The following ARSL variants were observed in gnomAD, a reference collection of about 807,000 sequenced individuals.
ARSL encodes arylsulfatase E (chondrodysplasia punctata 1).
ARSL carries 4 observed loss-of-function variants against 31.1 expected under a neutral mutation model. The ratio of observed to expected loss-of-function variants is 0.13; its 90% CI spans 0.06 to 0.29. The LOEUF (loss-of-function observed/expected upper bound fraction) is 0.29, where lower values mean the gene tolerates loss of function less well. ARSL is among the 10% of genes least tolerant of loss of function. ARSL has a pLI of 1.00. For synonymous variants in ARSL, 198 were observed against 209.9 expected (o/e 0.94, Z 0.49); for missense variants, 312 against 497.8 (o/e 0.63, Z 3.55).
At chrX:2,961,938 T>G (rs1194364921) in intron 1 of ARSL, among the ~76,000 whole-genome samples, 2 of 107,053 alleles carry the variant, frequency 1.9e-5, no homozygotes, top group Non-Finnish European at 3.9e-5. Flanking sequence ...TGGAGTGCAA[T>G]GGCGCGATCT....
intron 6 of ARSL, among the ~76,000 whole-genome samples, chrX:2,947,094 G>T (rs2089395610): frequency 9.0e-6 from 1 of 110,594 alleles, no homozygotes; most frequent in Non-Finnish European, 1.9e-5. Context: ...TGGGGTGGGA[G>T]GATTGCTTGA....
At chrX:2,947,860 C>T (rs761831000) in intron 6 of ARSL, among the ~76,000 whole-genome samples, 97 of 113,003 alleles carry the variant, frequency 8.6e-4, no homozygotes, top group African/African-American at 3.1e-3. Context: ...CAGTGGCTCA[C>T]GCCTGTAATC....
intron 4 of ARSL, among the ~76,000 whole-genome samples, chrX:2,954,111 A>G (rs1394074352): frequency 1.8e-5 from 2 of 111,214 alleles, no homozygotes; most frequent in Non-Finnish European, 3.8e-5. Context: ...GGGGAGCTTC[A>G]AAATATTCTG....
chrX:2,946,322 C>CTTTTTTTTTTTTTT (rs747661858), intron 6 of ARSL, among the ~76,000 whole-genome samples, 188 bp from the exon 7 acceptor site: 1 of 69,126 alleles, frequency 1.4e-5, no homozygotes, highest in Admixed American at 1.9e-4. Context: ...AACAATCTTC[C>CTTTTTTTTTTTTTT]TTTTTTTTTT....
intron 6 of ARSL, among the ~76,000 whole-genome samples, chrX:2,948,680 G>C (rs1427074571): frequency 9.0e-6 from 1 of 111,039 alleles, no homozygotes; most frequent in Non-Finnish European, 1.9e-5. Context: ...TTGTGGAAAT[G>C]GGGTCTTGCT....
intron 1 of ARSL, among the ~76,000 whole-genome samples, chrX:2,963,823 C>T (rs766187172): frequency 2.8e-5 from 3 of 108,971 alleles, no homozygotes; most frequent in Admixed American, 1.0e-4. Flanking sequence ...GGATTACAGA[C>T]GTGAGCCACC....
upstream of ARSL, among the ~76,000 whole-genome samples, chrX:2,964,846 C>T (rs931287848): frequency 3.1e-4 from 35 of 111,321 alleles, no homozygotes; most frequent in African/African-American, 1.1e-3. Context: ...GGCTTATGCC[C>T]ATAATCCTAG....
At chrX:2,959,778 A>G in intron 2 of ARSL, 2 of 1,075,906 alleles carry the variant, frequency 1.9e-6, no homozygotes, top group South Asian at 4.7e-5. Flanking sequence ...AGAAGCGGTC[A>G]GGCGTGGTGG....
intron 2 of ARSL, chrX:2,959,774 G>C (rs757075358): frequency 2.8e-6 from 3 of 1,075,922 alleles, no homozygotes; most frequent in Non-Finnish European, 3.6e-6. Flanking sequence ...ATCCAGAAGC[G>C]GTCAGGCGTG....
intron 1 of ARSL, among the ~76,000 whole-genome samples, chrX:2,962,721 A>G (rs1875647): frequency 0.026 from 2,938 of 111,756 alleles, 95 homozygotes; most frequent in African/African-American, 0.091. Flanking sequence ...GCTTTGTGAA[A>G]GGAAAATAAA....
chrX:2,964,062 A>G (rs1218983647), intron 1 of ARSL, among the ~76,000 whole-genome samples, 162 bp downstream of exon 1: 1 of 111,425 alleles, frequency 9.0e-6, no homozygotes, highest in Non-Finnish European at 1.9e-5. Context: ...AAAGAGCTGC[A>G]TTCCTAGGCC....
intron 3 of ARSL, 98 bp from the exon 4 acceptor site, chrX:2,955,635 G>C: frequency 1.0e-6 from 1 of 981,919 alleles, no homozygotes; most frequent in Non-Finnish European, 1.4e-6. Flanking sequence ...GCTGGTCATC[G>C]CTGAGTGCTT....
chrX:2,935,134 C>T lies in ARSL; in HGVS notation c.1468G>A (p.Gly490Ser), dbSNP rs762393900. The T allele has an allele frequency of 3.4e-5, 41 of 1,209,479 alleles. No homozygotes were observed. The East Asian group carries it at 5.3e-4, about 16-fold the overall frequency. ...VTPVFQPEGA[G>S]ACYGRKVCPC... ...CAGACCTTTCTTCCATAGCAGGCAC[C>T]GGCTCCCTCTGGCTGGAACACAGGC... The change falls in exon 11 of 11, where the codon GGT (glycine) becomes AGT (serine). Residue 490 changes from glycine (G) to serine (S), a missense_variant. Coordinates refer to ENST00000381134, the MANE Select transcript of ARSL (RefSeq NM_000047.3).
intron 6 of ARSL, 144 bp from the exon 7 acceptor site, chrX:2,946,278 A>G: frequency 2.0e-6 from 1 of 498,514 alleles, no homozygotes; most frequent in Non-Finnish European, 3.2e-6. Flanking sequence ...AACACTCAAA[A>G]CTCTTCTTCA....
rs147879083 is a variant in ARSL at position 2,958,345 on chromosome X, C to G, written c.114G>C (p.Pro38=). ...CGTCCGCCATCAGAAGAAGGATGTT[C>G]GGTCGGGAGGCGGAAATGTCGCTGG... ...SASSDISASR[P]NILLLMADDL... Residue 38 remains proline, a synonymous_variant, in exon 3 of 11, where the codon CCG becomes CCC. Coordinates refer to ENST00000381134, the MANE Select transcript of ARSL (RefSeq NM_000047.3). The G allele has an allele frequency of 3.4e-5, 41 of 1,210,214 alleles. No individual in the cohort carries two copies. The highest frequency in any genetic ancestry group is 4.5e-5 in the Non-Finnish European group (40 of 895,336).
Position 2,949,173 on chromosome X carries a change from C to G in ARSL, c.854+131G>C, listed in dbSNP as rs903616010. 25 of 855,005 alleles carry G rather than the reference C, an allele frequency of 2.9e-5. No individual in the cohort carries two copies. In the African/African-American group the frequency reaches 4.6e-4, roughly 16 times the overall value. 70.5% of individuals were successfully genotyped at this position (855,005 alleles called of 1,213,427 possible). A position where few individuals can be genotyped will look rare whatever the true frequency, so the allele number is the denominator to read the frequency against. ...CTCGAACTCCTGACCTCAGGCGATC[C>G]TCCCACCTCAGCCTCCAAAAGCACT... On this transcript the variant is annotated intron_variant, in intron 6 of 10. Transcript: ENST00000381134.
rs187110605 is a variant in ARSL, at chrX:2,943,135, C to A, written c.1056G>T (p.Ser352=). The part of the protein sequence containing the change: ...LSNSTLIYFT[S]DHGGSLENQL... ...GATTCTCTAGGGAACCGCCGTGATC[C>A]GACGTAAAATAAATGAGGGTGCTGT... The change falls in exon 8 of 11, where the codon TCG becomes TCT. Residue 352 remains serine, a synonymous_variant. Transcript: ENST00000381134. The A allele has an allele frequency of 8.3e-7, 1 of 1,208,998 alleles. No homozygotes were observed. The highest frequency in any genetic ancestry group is 1.1e-6 in the Non-Finnish European group (1 of 894,988).
At chrX:2,968,063 A>C (rs1490762312), upstream of ARSL, 16 of 1,049,091 alleles carry the variant, frequency 1.5e-5, no homozygotes, top group Admixed American at 4.3e-4. Flanking sequence ...GAAAAGACGC[A>C]GTTTAGCATA....
Position 2,935,208 on chromosome X carries a change from A to G in ARSL, c.1412-18T>C, listed in dbSNP as rs1477399288. The G allele has an allele frequency of 2.5e-6, 3 of 1,202,706 alleles. 1 individual carries two copies. The South Asian group carries it at 5.3e-5, about 21-fold the overall frequency. ...TGTTCCTCCTGGTGGAAAGATAATC[A>G]TTACAGAGTTGGCATAGAGAAATAG... On this transcript the variant is annotated intron_variant, in intron 10 of 10. Transcript: ENST00000381134.
Sources: gnomAD v4.1 joint callset for allele counts (sites outside exome capture counted in the v4.1 genomes callset) on GRCh38, gnomAD v4.1.1 for gene constraint, MANE v1.5 for transcripts, NCBI Gene and HGNC (gene_info 2026-07-23, HGNC 2026-07-21) for gene names.